The following TAF3 variants were observed in gnomAD, a reference collection of about 807,000 sequenced individuals.
TAF3 encodes TATA-box binding protein associated factor 3.
In TAF3, 7 loss-of-function variants were observed where a neutral mutation model predicts 80.6. The ratio of observed to expected loss-of-function variants is 0.09; its 90% CI spans 0.05 to 0.16. TAF3 has a LOEUF of 0.16. Ranked by LOEUF, TAF3 falls within the 10% of genes least tolerant of loss-of-function variation. TAF3 has a pLI of 1.00. For missense variants in TAF3, 921 were observed against 1,140.2 expected (o/e 0.81, Z 2.77); for synonymous variants, 444 against 446.1 (o/e 1.00, Z 0.06).
chr10:7,858,311 G>C (rs763068968), intron 2 of TAF3, among the ~76,000 whole-genome samples: 10 of 152,198 alleles, frequency 6.6e-5, no homozygotes, highest in Non-Finnish European at 1.5e-4. Flanking sequence ...GCAATTGCCA[G>C]TAATATTGTA....
intron 2 of TAF3, among the ~76,000 whole-genome samples, chr10:7,892,180 G>C (rs1302656533): frequency 1.3e-5 from 2 of 152,172 alleles, no homozygotes; most frequent in Non-Finnish European, 2.9e-5. Context: ...CTTTCTGGAA[G>C]AGTTTCAAAT....
intron 1 of TAF3, among the ~76,000 whole-genome samples, chr10:7,819,703 T>C (rs185991519): frequency 6.6e-6 from 1 of 151,046 alleles, no homozygotes; most frequent in Non-Finnish European, 1.5e-5. Flanking sequence ...TATGTGTGTT[T>C]GTTGAGGAGA....
At chr10:7,966,688 T>A (rs1212473853) in intron 3 of TAF3, among the ~76,000 whole-genome samples, 1 of 152,222 alleles carries the variant, frequency 6.6e-6, no homozygotes, top group Non-Finnish European at 1.5e-5. Flanking sequence ...CCAGTAGTTT[T>A]GTTCATATGA....
intron 2 of TAF3, among the ~76,000 whole-genome samples, chr10:7,917,613 C>T (rs1052337464): frequency 1.3e-4 from 20 of 152,088 alleles, no homozygotes; most frequent in South Asian, 4.1e-4. Context: ...TTAACAAGTG[C>T]GCTTGGCCTG....
chr10:7,943,368 A>G (rs760186134), intron 2 of TAF3, among the ~76,000 whole-genome samples: 3 of 152,196 alleles, frequency 2.0e-5, no homozygotes, highest in Middle Eastern at 3.4e-3. Flanking sequence ...CTGGGTAAAC[A>G]TTTGGAGGGT....
At chr10:7,956,558 G>T (rs1029442893) in intron 2 of TAF3, among the ~76,000 whole-genome samples, 22 of 152,118 alleles carry the variant, frequency 1.4e-4, no homozygotes, top group Non-Finnish European at 2.9e-4. Flanking sequence ...GTTTAAACAA[G>T]AAGATATCTT....
At chr10:7,869,451 C>T (rs1011018147) in intron 2 of TAF3, among the ~76,000 whole-genome samples, 2 of 152,220 alleles carry the variant, frequency 1.3e-5, no homozygotes, top group African/African-American at 4.8e-5. Flanking sequence ...CTTTCCATGT[C>T]TGTTAACTTA....
chr10:7,836,275 A>G (rs901821282), intron 2 of TAF3, among the ~76,000 whole-genome samples: 4 of 136,420 alleles, frequency 2.9e-5, no homozygotes, highest in Admixed American at 2.4e-4. Flanking sequence ...GGCCATTTCC[A>G]CGTTTTCTTT....
intron 2 of TAF3, among the ~76,000 whole-genome samples, chr10:7,932,119 G>C (rs151134071): frequency 1.3e-5 from 2 of 152,228 alleles, no homozygotes; most frequent in Non-Finnish European, 2.9e-5. Context: ...ATTTAACTCG[G>C]AGCATATTCA....
chr10:7,927,486 C>G (rs1483259184), intron 2 of TAF3, among the ~76,000 whole-genome samples: 3 of 152,226 alleles, frequency 2.0e-5, no homozygotes, highest in African/African-American at 7.2e-5. Context: ...CCTCCACTGT[C>G]TTCCCCAAAT....
chr10:7,859,897 C>G (rs1448301977), intron 2 of TAF3, among the ~76,000 whole-genome samples: 1 of 152,182 alleles, frequency 6.6e-6, no homozygotes, highest in African/African-American at 2.4e-5. Context: ...TATTACGCAT[C>G]CTTGGTTCAT....
chr10:7,836,756 T>A (rs1349570627), intron 2 of TAF3, among the ~76,000 whole-genome samples: 1 of 152,240 alleles, frequency 6.6e-6, no homozygotes, highest in Non-Finnish European at 1.5e-5. Context: ...AAAATATTAT[T>A]GCATCACTTC....
chr10:7,969,477 G>C (rs1179087209), intron 3 of TAF3, among the ~76,000 whole-genome samples: 2 of 152,016 alleles, frequency 1.3e-5, no homozygotes, highest in African/African-American at 4.8e-5. Flanking sequence ...TTTCTGTGTG[G>C]GTTGGTGTAT....
chr10:7,997,194 C>T (rs892522135), intron 4 of TAF3, among the ~76,000 whole-genome samples: 2 of 152,204 alleles, frequency 1.3e-5, no homozygotes, highest in East Asian at 1.9e-4. Flanking sequence ...GAAGTGGTTG[C>T]GATAGTTTTT....
At chr10:7,899,029 A>G (rs540955470) in intron 2 of TAF3, among the ~76,000 whole-genome samples, 1 of 152,074 alleles carries the variant, frequency 6.6e-6, no homozygotes, top group East Asian at 1.9e-4. Flanking sequence ...CTTTTATTCT[A>G]GGTGAGATTC....
At chr10:8,011,192 G>A (rs1276255115) in intron 5 of TAF3, among the ~76,000 whole-genome samples, 1 of 152,132 alleles carries the variant, frequency 6.6e-6, no homozygotes, top group East Asian at 1.9e-4. Flanking sequence ...ATTGGAAAGT[G>A]GCTGGGTAGG....
At chr10:7,993,169 C>T (rs1407427725) in intron 4 of TAF3, among the ~76,000 whole-genome samples, 1 of 152,146 alleles carries the variant, frequency 6.6e-6, no homozygotes, top group Non-Finnish European at 1.5e-5. Context: ...CACACTCCTA[C>T]GCTCCTCCTC....
intron 3 of TAF3, among the ~76,000 whole-genome samples, chr10:7,971,034 C>A (rs942154135): frequency 2.0e-5 from 3 of 152,054 alleles, no homozygotes; most frequent in African/African-American, 7.2e-5. Flanking sequence ...AAACAAGAAA[C>A]TTAATGTTTA....
At chr10:7,980,347 T>A (rs940514594) in intron 4 of TAF3, among the ~76,000 whole-genome samples, 5 of 152,228 alleles carry the variant, frequency 3.3e-5, no homozygotes, top group East Asian at 1.9e-4. Context: ...CTGCCCTTGA[T>A]CCAGAAAAGT....
Sources: gnomAD v4.1 joint callset for allele counts (sites outside exome capture counted in the v4.1 genomes callset) on GRCh38, gnomAD v4.1.1 for gene constraint, MANE v1.5 for transcripts, NCBI Gene and HGNC (gene_info 2026-07-23, HGNC 2026-07-21) for gene names.